The following SLC35F1 variants were observed in gnomAD, a reference collection of about 807,000 sequenced individuals.
SLC35F1 encodes solute carrier family 35 member F1.
Under a neutral mutation model 48.7 loss-of-function variants are expected in SLC35F1, and 14 were observed. That is an observed-to-expected ratio of 0.29 (90% CI 0.19 to 0.45). SLC35F1 has a LOEUF of 0.45. Ranked by LOEUF, SLC35F1 falls within the 20% of genes least tolerant of loss-of-function variation. The probability of loss-of-function intolerance (pLI) is 1.00; values close to 1 mark genes in which losing one functional copy is unlikely to be tolerated. For synonymous variants in SLC35F1, 190 were observed against 202.2 expected (o/e 0.94, Z 0.51); for missense variants, 404 against 500.0 (o/e 0.81, Z 1.83).
intron 2 of SLC35F1, among the ~76,000 whole-genome samples, chr6:118,156,674 TAAA>T (rs1337279253): frequency 4.5e-5 from 4 of 88,332 alleles, no homozygotes; most frequent in African/African-American, 1.8e-4. Context: ...TAATAAAAAA[TAAA>T]ATAAAATAAA....
In SLC35F1 at chr6:118,281,826, T is replaced by C. The variant is rs1323904082; in HGVS notation, c.848-3358T>C. Among the ~76,000 whole-genome samples, 3 of 152,224 alleles carry C rather than the reference T, an allele frequency of 2.0e-5. No homozygotes were observed. In the East Asian group the frequency reaches 5.8e-4, roughly 29 times the overall value. ...CTATTTAACCCAGTATGGACTGTGT[T>C]TCTTGACTCTATAAGCCTATTTCCT... On this transcript the variant is annotated intron_variant, in intron 6 of 7. Coordinates refer to ENST00000360388, the MANE Select transcript of SLC35F1 (RefSeq NM_001029858.4).
intron 1 of SLC35F1, among the ~76,000 whole-genome samples, chr6:118,085,853 G>C (rs1772982584): frequency 6.6e-6 from 1 of 152,070 alleles, no homozygotes; most frequent in African/African-American, 2.4e-5. Flanking sequence ...AAATTATCCT[G>C]AAGGACCTGT....
chr6:118,122,580 G>A (rs146181905), intron 1 of SLC35F1, among the ~76,000 whole-genome samples: 1 of 152,180 alleles, frequency 6.6e-6, no homozygotes, highest in Non-Finnish European at 1.5e-5. Context: ...TATTGTGCGC[G>A]TTTAGTATAC....
chr6:118,162,133 A>G (rs6909791), intron 2 of SLC35F1, among the ~76,000 whole-genome samples: 21,676 of 152,228 alleles, frequency 0.14, 1,998 homozygotes, highest in Non-Finnish European at 0.21. Context: ...AGCTTATGAA[A>G]GGATAAAAAA....
At chr6:118,258,325 C>T (rs1438754722) in intron 3 of SLC35F1, among the ~76,000 whole-genome samples, 2 of 152,068 alleles carry the variant, frequency 1.3e-5, no homozygotes, top group Non-Finnish European at 2.9e-5. Context: ...TATCACTGTG[C>T]TCTTTTCGAA....
At chr6:117,957,512 A>G (rs1383228464) in intron 1 of SLC35F1, among the ~76,000 whole-genome samples, 4 of 152,212 alleles carry the variant, frequency 2.6e-5, no homozygotes, top group African/African-American at 7.2e-5. Flanking sequence ...CATACAGTCC[A>G]TTGTTCCTTT....
At chr6:117,964,560 G>A (rs965678947) in intron 1 of SLC35F1, among the ~76,000 whole-genome samples, 2 of 152,162 alleles carry the variant, frequency 1.3e-5, no homozygotes, top group Non-Finnish European at 2.9e-5. Flanking sequence ...GTGAGGCCTA[G>A]GCCTCTCCTT....
At chr6:118,055,591 G>A (rs547462381) in intron 1 of SLC35F1, among the ~76,000 whole-genome samples, 12 of 152,184 alleles carry the variant, frequency 7.9e-5, no homozygotes, top group African/African-American at 2.7e-4. Context: ...TAATGGAGGA[G>A]TCTCTTTTCT....
At chr6:118,053,221 C>T (rs1772415584) in intron 1 of SLC35F1, among the ~76,000 whole-genome samples, 1 of 152,122 alleles carries the variant, frequency 6.6e-6, no homozygotes, top group African/African-American at 2.4e-5. Flanking sequence ...CCCTCTGGCA[C>T]TCCAAACAGA....
At chr6:118,130,183 C>T (rs1009147997) in intron 1 of SLC35F1, among the ~76,000 whole-genome samples, 1 of 152,170 alleles carries the variant, frequency 6.6e-6, no homozygotes, top group African/African-American at 2.4e-5. Flanking sequence ...AGTAGAAGTA[C>T]CTTCATCAGT....
intron 1 of SLC35F1, among the ~76,000 whole-genome samples, chr6:117,923,763 G>GTGTATATACATATATGTA (rs1775969946): frequency 5.5e-5 from 1 of 18,076 alleles, no homozygotes; most frequent in Non-Finnish European, 9.5e-5. Context: ...ATATACATAT[G>GTGTATATACATATATGTA]CACATACATA....
intron 1 of SLC35F1, among the ~76,000 whole-genome samples, chr6:118,072,159 A>G (rs1215518010): frequency 1.3e-5 from 2 of 152,084 alleles, no homozygotes; most frequent in African/African-American, 4.8e-5. Flanking sequence ...CAAAACTTCT[A>G]TTTTTAAAAA....
chr6:118,180,543 A>C (rs1774559763), intron 2 of SLC35F1, among the ~76,000 whole-genome samples: 1 of 152,170 alleles, frequency 6.6e-6, no homozygotes, highest in Non-Finnish European at 1.5e-5. Flanking sequence ...GAATTTCTAG[A>C]AATGAAAATG....
intron 7 of SLC35F1, among the ~76,000 whole-genome samples, chr6:118,305,427 G>A (rs1776301581): frequency 6.6e-6 from 1 of 152,086 alleles, no homozygotes; most frequent in Admixed American, 6.5e-5. Flanking sequence ...TCCCAGCCAA[G>A]TTGACTCATA....
In SLC35F1 at chr6:118,041,667, A is replaced by G. The variant is rs187842028; in HGVS notation, c.174-112778A>G. Among the ~76,000 whole-genome samples the G allele has an allele frequency of 2.6e-3, 396 of 152,296 alleles. 1 individual carries two copies. Among genetic ancestry groups the G allele is most frequent in the African/African-American group, 9.1e-3 (380 of 41,580 alleles). ...GTGCATTAAAGAGGGAGATAGAGAA[A>G]GGCCCCTTTGACAGATCATATTTTA... On this transcript the variant is annotated intron_variant, in intron 1 of 7. Transcript: ENST00000360388.
intron 1 of SLC35F1, among the ~76,000 whole-genome samples, chr6:117,965,687 G>A (rs1776553259): frequency 6.6e-6 from 1 of 152,212 alleles, no homozygotes; most frequent in African/African-American, 2.4e-5. Context: ...TAGTACCACA[G>A]ACTGGGTGGC....
intron 1 of SLC35F1, among the ~76,000 whole-genome samples, chr6:118,114,881 T>C (rs1459589109): frequency 6.6e-6 from 1 of 152,186 alleles, no homozygotes; most frequent in Admixed American, 6.6e-5. Context: ...GGTTGTAACT[T>C]GAAGTTCATT....
chr6:118,153,367 A>G (rs935147112), intron 1 of SLC35F1, among the ~76,000 whole-genome samples: 1 of 152,236 alleles, frequency 6.6e-6, no homozygotes, highest in African/African-American at 2.4e-5. Context: ...TTTGATTATT[A>G]TACAATGTGA....
At chr6:118,238,954 C>T (rs559915322) in intron 3 of SLC35F1, among the ~76,000 whole-genome samples, 3 of 152,090 alleles carry the variant, frequency 2.0e-5, no homozygotes, top group African/African-American at 7.2e-5. Flanking sequence ...ATCTGTCACC[C>T]ATTAAGGGAG....
Sources: gnomAD v4.1 joint callset for allele counts (sites outside exome capture counted in the v4.1 genomes callset) on GRCh38, gnomAD v4.1.1 for gene constraint, MANE v1.5 for transcripts, NCBI Gene and HGNC (gene_info 2026-07-23, HGNC 2026-07-21) for gene names.